The following MAPK8IP3 variants were observed in gnomAD, a reference collection of about 807,000 sequenced individuals.
MAPK8IP3 encodes the protein mitogen-activated protein kinase 8 interacting protein 3, also known as C-Jun-amino-terminal kinase-interacting protein 3.
In MAPK8IP3, 49 loss-of-function variants were observed where a neutral mutation model predicts 157.8. The observed-to-expected ratio is 0.31, with a 90% CI of 0.25 to 0.39. MAPK8IP3 has a LOEUF of 0.39. Ranked by LOEUF, MAPK8IP3 falls within the 10% of genes least tolerant of loss-of-function variation. MAPK8IP3 has a pLI of 1.00. For missense variants in MAPK8IP3, 1,478 were observed against 1,889.4 expected (o/e 0.78, Z 4.04); for synonymous variants, 897 against 777.7 (o/e 1.15, Z -2.55).
chr16:1,719,687 A>AAAAC (rs1555443526), intron 1 of MAPK8IP3, among the ~76,000 whole-genome samples: 1 of 150,244 alleles, frequency 6.7e-6, no homozygotes, highest in Non-Finnish European at 1.5e-5. Flanking sequence ...AAAAAAAAAA[A>AAAAC]CCACAAAAAT....
intron 10 of MAPK8IP3, among the ~76,000 whole-genome samples, chr16:1,759,474 C>G (rs1182673152): frequency 6.6e-6 from 1 of 152,144 alleles, no homozygotes; most frequent in East Asian, 1.9e-4. Flanking sequence ...CACTTGGGGC[C>G]TCGTGGTAGA....
chr16:1,732,503 C>G (rs1382529497), intron 4 of MAPK8IP3, among the ~76,000 whole-genome samples: 1 of 152,246 alleles, frequency 6.6e-6, no homozygotes, highest in African/African-American at 2.4e-5. Context: ...CGCAAAGGCC[C>G]AGCTGGCCAG....
At chr16:1,764,255 G>A in intron 18 of MAPK8IP3, 45 bp downstream of exon 18, 3 of 1,597,890 alleles carry the variant, frequency 1.9e-6, no homozygotes, top group Non-Finnish European at 2.6e-6. Flanking sequence ...GCGAGCGGGA[G>A]GCTGGGGAGT....
chr16:1,730,912 G>A (rs141405626), intron 4 of MAPK8IP3, among the ~76,000 whole-genome samples: 1,720 of 151,216 alleles, frequency 0.011, 38 homozygotes, highest in African/African-American at 0.04. Context: ...GGCTGAGGCC[G>A]GCAGATCACT....
At chr16:1,734,932 G>C (rs1227868511) in intron 4 of MAPK8IP3, 1 of 154,674 alleles carries the variant, frequency 6.5e-6, no homozygotes, top group Non-Finnish European at 1.5e-5. Context: ...CAGTGTTCTC[G>C]GGCCACTGCT....
In MAPK8IP3 at chr16:1,758,215, G is replaced by A; in HGVS notation, c.1228+56G>A. 1.9e-6 allele frequency: 3 copies of A among 1,602,260 alleles called. No individual in the cohort carries two copies. In the Middle Eastern group the frequency reaches 5.1e-4, roughly 272 times the overall value. Reference sequence around the variant, plus strand: ...CTCTGTGTGACGGGGGGAGTGGGTGGACGGGGGATGCCCCGAGCTATCCCG... The same window carrying A: ...CTCTGTGTGACGGGGGGAGTGGGTGAACGGGGGATGCCCCGAGCTATCCCG... On this transcript the variant is annotated intron_variant, in intron 9 of 31. Coordinates refer to ENST00000610761, the MANE Select transcript of MAPK8IP3 (RefSeq NM_001318852.2).
chr16:1,724,803 C>G lies in MAPK8IP3; in HGVS notation c.439+126C>G. The stretch of plus-strand genomic sequence containing the variant: ...GAGGAAGCCCAGTGGGAGCCTCAGC[C>G]ATGTATTCCAGCTCTTTGTACTGCT... On this transcript the variant is annotated intron_variant, in intron 2 of 31. Coordinates refer to ENST00000610761, the MANE Select transcript of MAPK8IP3 (RefSeq NM_001318852.2). The surrounding 1 kb of genome is among the most constrained non-coding windows in gnomAD (Gnocchi z 4.1). 7.9e-7 allele frequency: 1 copy of G among 1,264,878 alleles called. No individual in the cohort carries two copies. The highest frequency in any genetic ancestry group is 1.1e-6 in the Non-Finnish European group (1 of 927,506). 78.4% of individuals were successfully genotyped at this position (1,264,878 alleles called of 1,614,324 possible).
Position 1,765,177 on chromosome 16 carries a change from C to T in MAPK8IP3, c.2445C>T (p.Pro815=), listed in dbSNP as rs200864564. Residue 815 remains proline (P), a splice_region_variant and synonymous_variant, in exon 20 of 32, where the codon CCC becomes CCT. Transcript: ENST00000610761. ...NAHVLCISSI[P]AASDSDYPPG... ...ACGTGCTGTGCATCTCCAGCATCCC[C>T]GGTGAGCAGCTGGAGTGGGCGTTTC... The T allele has an allele frequency of 1.0e-4, 166 of 1,588,766 alleles. No homozygotes were observed. Among genetic ancestry groups the T allele is most frequent in the Admixed American group, 1.3e-4 (8 of 59,382 alleles).
chr16:1,722,930 T>C (rs532829462), intron 1 of MAPK8IP3, among the ~76,000 whole-genome samples: 12 of 152,128 alleles, frequency 7.9e-5, no homozygotes, highest in Admixed American at 1.3e-4. Context: ...CTCGATCTCC[T>C]GACCTCGTGA....
Position 1,766,339 on chromosome 16 carries a change from C to A in MAPK8IP3, c.2749C>A (p.Pro917Thr), listed in dbSNP as rs376742036. Residue 917 changes from proline (P) to threonine (T), a missense_variant, in exon 22 of 32, where the codon CCC becomes ACC. This residue lies in a region of MAPK8IP3 where 669 missense variants were observed against 759.8 expected (regional missense o/e 0.88). Transcript: ENST00000610761. ...PSEPETATLR[P>T]GPLTEHVFTD... Reference sequence around the variant, plus strand: ...CGAGCCAGAGACAGCCACATTGCGGCCCGGGCCTCTCACAGAGCACGTCTT... The same window carrying A: ...CGAGCCAGAGACAGCCACATTGCGGACCGGGCCTCTCACAGAGCACGTCTT... 29 of 1,612,596 alleles carry A rather than the reference C, an allele frequency of 1.8e-5. No homozygotes were observed. In the African/African-American group the frequency reaches 2.7e-4, roughly 15 times the overall value.
intron 26 of MAPK8IP3, 41 bp from the exon 27 acceptor site, chr16:1,767,523 C>T (rs1269240875): frequency 5.6e-6 from 9 of 1,594,264 alleles, no homozygotes; most frequent in Non-Finnish European, 7.7e-6. Context: ...CACTTCCTCT[C>T]CTCTCCCCAG....
Position 1,767,139 on chromosome 16 carries a change from C to T in MAPK8IP3, c.3089-10C>T. On this transcript the variant is annotated splice_polypyrimidine_tract_variant and intron_variant, in intron 25 of 31. Transcript: ENST00000610761. Reference sequence around the variant, plus strand: ...GCCAGGCCTGAGCAGGTGTCCGGGGCTCCCTCCAGATGGCCAGTGGGATCT... The same window carrying T: ...GCCAGGCCTGAGCAGGTGTCCGGGGTTCCCTCCAGATGGCCAGTGGGATCT... 1 of 1,612,678 alleles carries T rather than the reference C, an allele frequency of 6.2e-7. No individual in the cohort carries two copies. The highest frequency in any genetic ancestry group is 8.5e-7 in the Non-Finnish European group (1 of 1,179,786).
intron 1 of MAPK8IP3, among the ~76,000 whole-genome samples, chr16:1,708,533 A>G (rs1182496540): frequency 1.3e-5 from 2 of 152,254 alleles, no homozygotes; most frequent in Non-Finnish European, 2.9e-5. Context: ...CTTGCCGCTT[A>G]AAAATGAGCT....
At chr16:1,756,294 T>C (rs538649086) in intron 8 of MAPK8IP3, among the ~76,000 whole-genome samples, 2 of 152,276 alleles carry the variant, frequency 1.3e-5, no homozygotes, top group East Asian at 3.9e-4. Context: ...AGGTGGATCA[T>C]TTGAGCTGAG....
chr16:1,755,243 G>C (rs772455853), intron 8 of MAPK8IP3, among the ~76,000 whole-genome samples: 1 of 152,186 alleles, frequency 6.6e-6, no homozygotes, highest in Non-Finnish European at 1.5e-5. Flanking sequence ...GTGGAAAACG[G>C]GCAGATGAGT....
Position 1,768,949 on chromosome 16 carries a change from C to A in MAPK8IP3, c.*125C>A. 8.7e-7 allele frequency: 1 copy of A among 1,153,616 alleles called. No individual in the cohort carries two copies. The highest frequency in any genetic ancestry group is 1.2e-6 in the Non-Finnish European group (1 of 816,750). 71.5% of individuals were successfully genotyped at this position (1,153,616 alleles called of 1,614,324 possible). ...CTAACCTCTCAACCTGCAGCTTTCA[C>A]CTGAGTCTGGCCCCTCCAGCGGGCA... On this transcript the variant is annotated 3_prime_UTR_variant, in exon 32 of 32. Transcript: ENST00000610761.
rs999435739 is a variant in MAPK8IP3 at position 1,710,256 on chromosome 16, A to C, written c.318+3599A>C. Among the ~76,000 whole-genome samples the C allele has an allele frequency of 1.3e-5, 2 of 149,476 alleles. No individual in the cohort carries two copies. The highest frequency in any genetic ancestry group is 4.9e-5 in the African/African-American group (2 of 40,712). On this transcript the variant is annotated intron_variant, in intron 1 of 31. Transcript: ENST00000610761. The surrounding 1 kb of genome is among the most constrained non-coding windows in gnomAD (Gnocchi z 4.1). ...CCTGACCTCCTCATCTCAGGTCAGG[A>C]GTTTGAGACCAGCCTGGCGAACCTG... is the stretch of plus-strand genomic sequence containing the variant.
At chr16:1,744,116 C>G in intron 5 of MAPK8IP3, 8 of 985,746 alleles carry the variant, frequency 8.1e-6, no homozygotes, top group Non-Finnish European at 9.6e-6. Context: ...GGGCCCAGAG[C>G]CAGGCCACTC....
chr16:1,764,057 C>G (rs1157257159), intron 17 of MAPK8IP3, 58 bp from the exon 18 acceptor site: 1 of 1,489,902 alleles, frequency 6.7e-7, no homozygotes, highest in East Asian at 2.3e-5. Context: ...TCTCAGATTT[C>G]TGGAGGGATG....
Sources: allele counts gnomAD v4.1 joint callset (sites outside exome capture counted in the v4.1 genomes callset), GRCh38; gene constraint gnomAD v4.1.1; regional missense constraint gnomAD v4.1.1; non-coding constraint Gnocchi (gnomAD v3.1); transcripts MANE v1.5; gene names NCBI Gene and HGNC (gene_info 2026-07-23, HGNC 2026-07-21).